The following ERMAP variants were observed in gnomAD, a reference collection of about 807,000 sequenced individuals.
ERMAP encodes the protein erythroid membrane-associated protein.
Under a neutral mutation model 49.5 loss-of-function variants are expected in ERMAP, and 34 were observed. The observed-to-expected ratio is 0.69, with a 90% CI of 0.52 to 0.91. ERMAP has a LOEUF of 0.91. ERMAP is among the 40% of genes least tolerant of loss of function. ERMAP has a pLI of 0.00. For missense variants in ERMAP, 541 were observed against 582.6 expected, an observed-to-expected ratio of 0.93 and a Z score of 0.74; for synonymous variants, 214 against 232.2, an observed-to-expected ratio of 0.92 and a Z score of 0.71.
chr1:42,821,225 T>C (rs1406925580), intron 1 of ERMAP, among the ~76,000 whole-genome samples: 1 of 152,212 alleles, frequency 6.6e-6, no homozygotes, highest in African/African-American at 2.4e-5. Context: ...CCTTTTGCAC[T>C]CCAAGATTGT....
intron 4 of ERMAP, among the ~76,000 whole-genome samples, chr1:42,831,452 G>T (rs1654727623): frequency 6.6e-6 from 1 of 151,588 alleles, no homozygotes; most frequent in Non-Finnish European, 1.5e-5. Context: ...TGGCTGTAAA[G>T]AAATGTCTTC....
chr1:42,818,911 T>G (rs1468750714), intron 1 of ERMAP, among the ~76,000 whole-genome samples: 1 of 152,222 alleles, frequency 6.6e-6, no homozygotes, highest in Non-Finnish European at 1.5e-5. Context: ...TTCAGAAATC[T>G]TGATGTAGTA....
chr1:42,838,135 A>T (rs1219288051), intron 7 of ERMAP, among the ~76,000 whole-genome samples: 1 of 152,194 alleles, frequency 6.6e-6, no homozygotes, highest in African/African-American at 2.4e-5. Flanking sequence ...CACATTATTG[A>T]GAGGATTCAG....
chr1:42,818,509 C>A (rs925133110), intron 1 of ERMAP, among the ~76,000 whole-genome samples: 3 of 152,168 alleles, frequency 2.0e-5, no homozygotes, highest in African/African-American at 7.2e-5. Flanking sequence ...TGGGGTCTTG[C>A]TCTGTCACCC....
Position 42,830,833 on chromosome 1 carries a change from C to A in ERMAP, c.151C>A (p.Pro51Thr). ...LLGGTAELLC[P>T]LSLWPGTVPK... Reference sequence around the variant, plus strand: ...AGGGGGCACAGCCGAGCTGCTCTGCCCTCTCTCCCTCTGGCCCGGGACGGT... The same window carrying A: ...AGGGGGCACAGCCGAGCTGCTCTGCACTCTCTCCCTCTGGCCCGGGACGGT... Residue 51 changes from proline to threonine, a missense_variant, in exon 4 of 12, where the codon CCT becomes ACT. Physicochemically the swap from Pro to Thr is conservative, Grantham distance 38 (BLOSUM62 -1). Transcript: ENST00000372517. 1.3e-6 allele frequency: 2 copies of A among 1,598,634 alleles called. No homozygotes were observed. Among genetic ancestry groups the A allele is most frequent in the Admixed American group, 1.8e-5 (1 of 57,044 alleles).
Position 42,840,150 on chromosome 1 carries a change from A to T in ERMAP, c.659-2A>T, listed in dbSNP as rs767504478. ...TCATTCCCCTTGTTTCTTCTTTCAT[A>T]GAGTTGAAAAGAGCTGCAGCAAACT... On this transcript the variant is annotated splice_acceptor_variant, in intron 9 of 11. Coordinates refer to ENST00000372517, the MANE Select transcript of ERMAP (RefSeq NM_001017922.2). LOFTEE classifies it high-confidence loss of function. 6.2e-7 allele frequency: 1 copy of T among 1,614,168 alleles called. No homozygotes were observed. Among genetic ancestry groups the T allele is most frequent in the Admixed American group, 1.7e-5 (1 of 60,028 alleles).
intron 6 of ERMAP, chr1:42,836,923 A>C: frequency 5.0e-6 from 2 of 397,484 alleles, no homozygotes; most frequent in Non-Finnish European, 9.0e-6. Flanking sequence ...AAAAAAACTA[A>C]ACAATTCTCT....
chr1:42,843,907 T>A lies in ERMAP; in HGVS notation c.*675T>A, dbSNP rs1386262141. 6.1e-5 allele frequency: 24 copies of A among 396,680 alleles called. No homozygotes were observed. The Middle Eastern group carries it at 1.9e-3, about 31-fold the overall frequency. The allele number at this position is 396,680 out of a possible 1,614,324, so 24.6% of individuals were successfully genotyped here. ...TAGGTACAGCGACTTTAAATACAGT[T>A]GCTATAATCCTGAAAAGCCCCAGGA... is the stretch of plus-strand genomic sequence containing the variant. On this transcript the variant is annotated 3_prime_UTR_variant, in exon 12 of 12. Coordinates refer to ENST00000372517, the MANE Select transcript of ERMAP (RefSeq NM_001017922.2).
chr1:42,829,615 T>C (rs1486234430), intron 2 of ERMAP, among the ~76,000 whole-genome samples: 1 of 152,202 alleles, frequency 6.6e-6, no homozygotes, highest in African/African-American at 2.4e-5. Flanking sequence ...CACACGGTCA[T>C]CTGGACCTGC....
intron 1 of ERMAP, chr1:42,817,814 A>T (rs557299122): frequency 6.6e-6 from 1 of 152,390 alleles, no homozygotes; most frequent in South Asian, 2.1e-4. Context: ...GTAATTTTCC[A>T]GGTATTACAT....
intron 2 of ERMAP, among the ~76,000 whole-genome samples, chr1:42,828,663 TTTTC>T (rs942125404): frequency 3.9e-4 from 60 of 152,074 alleles, no homozygotes; most frequent in South Asian, 1.7e-3. Flanking sequence ...GCCAAGCTAA[TTTTC>T]TTTTATTTTT....
intron 4 of ERMAP, chr1:42,834,543 TTTTG>T (rs144061250): frequency 0.025 from 7,129 of 282,732 alleles, 218 homozygotes; most frequent in African/African-American, 0.091. Flanking sequence ...ACATCTCAGT[TTTTG>T]TTTGTTTGTT....
At chr1:42,834,874 T>C in intron 4 of ERMAP, 164 bp from the exon 5 acceptor site, 1 of 630,336 alleles carries the variant, frequency 1.6e-6, no homozygotes, top group African/African-American at 1.8e-5. Context: ...TTTAATGCTA[T>C]CCAGGGCTTG....
At position 42,844,937 on chromosome 1, in the gene ERMAP, T is replaced by C. The variant is rs1331136207; in HGVS notation, c.*1705T>C. The stretch of plus-strand genomic sequence containing the variant: ...TAACTATCACAGTGACTCAGTGGAA[T>C]TTTTTGTTTGCTTTTGTACAGTTTT... On this transcript the variant is annotated 3_prime_UTR_variant, in exon 12 of 12. Transcript: ENST00000372517. This position sits in a 1 kb window ranked among gnomAD's most constrained non-coding sequence, Gnocchi z 4.0. 1 of 152,236 alleles carries C rather than the reference T, an allele frequency of 6.6e-6. No individual in the cohort carries two copies. Among genetic ancestry groups the C allele is most frequent in the East Asian group, 1.9e-4 (1 of 5,206 alleles). The allele number at this position is 152,236 out of a possible 1,614,324, so 9.4% of individuals were successfully genotyped here.
chr1:42,833,311 T>C (rs1232365013), intron 4 of ERMAP, among the ~76,000 whole-genome samples: 1 of 152,252 alleles, frequency 6.6e-6, no homozygotes, highest in Admixed American at 6.5e-5. Context: ...AAAAATGGCC[T>C]ATAATAGCTT....
intron 8 of ERMAP, 100 bp from the exon 9 acceptor site, chr1:42,839,933 G>A: frequency 2.5e-6 from 3 of 1,192,474 alleles, no homozygotes; most frequent in Non-Finnish European, 3.7e-6. Context: ...TAGCTATTGA[G>A]TATCTGTCTG....
chr1:42,817,387 C>G (rs1426965329), intron 1 of ERMAP, 134 bp downstream of exon 1: 1 of 468,396 alleles, frequency 2.1e-6, no homozygotes, highest in African/African-American at 2.2e-5. Flanking sequence ...GGAGCGGCCG[C>G]GCGTGCGCAG....
rs35589923 is a variant in ERMAP at position 42,820,381 on chromosome 1, CTTTTTTT to C, written c.-122+3141_-122+3147del. Among the ~76,000 whole-genome samples the C allele has an allele frequency of 3.0e-5, 4 of 131,420 alleles. 1 individual carries two copies. Among genetic ancestry groups the C allele is most frequent in the African/African-American group, 1.1e-4 (4 of 35,384 alleles). 86.2% of individuals were successfully genotyped at this position (131,420 alleles called of 152,430 possible). A position where few individuals can be genotyped will look rare whatever the true frequency, so the allele number is the denominator to read the frequency against. ...GAAACGTTCTCTGTGATCAGTTTCT[CTTTTTTT>C]TTTTTTTTTTTTAACAAATAGAGAC... On this transcript the variant is annotated intron_variant, in intron 1 of 11. Coordinates refer to ENST00000372517, the MANE Select transcript of ERMAP (RefSeq NM_001017922.2).
At chr1:42,840,401 A>C in intron 11 of ERMAP, 105 bp downstream of exon 11, 5 of 1,391,596 alleles carry the variant, frequency 3.6e-6, no homozygotes, top group South Asian at 1.2e-5. Context: ...GTAATTTAAA[A>C]ATTTTTAAAT....
Sources: allele counts gnomAD v4.1 joint callset (sites outside exome capture counted in the v4.1 genomes callset), GRCh38; gene constraint gnomAD v4.1.1; non-coding constraint Gnocchi (gnomAD v3.1); transcripts MANE v1.5; gene names NCBI Gene and HGNC (gene_info 2026-07-23, HGNC 2026-07-21).